MPZL1: variants seen among roughly 807,000 people sequenced by gnomAD.
MPZL1 encodes the protein myelin protein zero like 1.
A neutral mutation model predicts 29.3 loss-of-function variants in MPZL1; 16 were observed. The ratio of observed to expected loss-of-function variants is 0.55; its 90% CI spans 0.37 to 0.83. The LOEUF (loss-of-function observed/expected upper bound fraction) is 0.83, where lower values mean the gene tolerates loss of function less well. Among genes scored for constraint, MPZL1 ranks in the 40% least tolerant of loss-of-function variants. The pLI, the probability that MPZL1 is intolerant of heterozygous loss-of-function variation, is 0.00. For missense variants in MPZL1, 279 were observed against 332.9 expected (o/e 0.84, Z 1.26); for synonymous variants, 143 against 132.0 (o/e 1.08, Z -0.57).
intron 4 of MPZL1, chr1:167,774,444 GT>G (rs985167853): frequency 3.3e-5 from 5 of 152,538 alleles, no homozygotes; most frequent in Non-Finnish European, 7.3e-5. Flanking sequence ...GGAGTGCTGT[GT>G]TTTAACAAGT....
chr1:167,764,388 G>A (rs977814880), intron 1 of MPZL1, among the ~76,000 whole-genome samples: 3 of 152,034 alleles, frequency 2.0e-5, no homozygotes, highest in Non-Finnish European at 4.4e-5. Context: ...TATTTCCTGG[G>A]CTTAGGCTAA....
intron 1 of MPZL1, among the ~76,000 whole-genome samples, chr1:167,748,998 G>A (rs1302230810): frequency 6.6e-6 from 1 of 152,022 alleles, no homozygotes; most frequent in Non-Finnish European, 1.5e-5. Flanking sequence ...ATGACATTGT[G>A]GCTTGAAAGT....
chr1:167,729,790 C>A (rs1226192934), intron 1 of MPZL1, among the ~76,000 whole-genome samples: 1 of 152,190 alleles, frequency 6.6e-6, no homozygotes, highest in Non-Finnish European at 1.5e-5. Context: ...TGAGTGCTTA[C>A]TATGTGCCAC....
At chr1:167,735,864 T>G (rs1370831466) in intron 1 of MPZL1, among the ~76,000 whole-genome samples, 1 of 152,216 alleles carries the variant, frequency 6.6e-6, no homozygotes, top group Non-Finnish European at 1.5e-5. Flanking sequence ...CTAATGAATT[T>G]TAAAAGATAA....
chr1:167,790,547 C>T lies in MPZL1; in HGVS notation c.*2626C>T, dbSNP rs1221686789. On this transcript the variant is annotated 3_prime_UTR_variant, in exon 6 of 6. Coordinates refer to ENST00000359523, the MANE Select transcript of MPZL1 (RefSeq NM_003953.6). Reference sequence around the variant, plus strand: ...CTCCCCTTTTCCCTGTGCCTCAGCACTCCTTTCCTGGTTGCAGATAACGAA... The same window carrying T: ...CTCCCCTTTTCCCTGTGCCTCAGCATTCCTTTCCTGGTTGCAGATAACGAA... 2 of 152,258 alleles carry T rather than the reference C, an allele frequency of 1.3e-5. No homozygotes were observed. The highest frequency in any genetic ancestry group is 2.9e-5 in the Non-Finnish European group (2 of 68,084). The allele number at this position is 152,258 out of a possible 1,614,324, so 9.4% of individuals were successfully genotyped here.
intron 2 of MPZL1, 138 bp downstream of exon 2, chr1:167,765,887 T>C: frequency 2.7e-6 from 2 of 736,818 alleles, no homozygotes; most frequent in Non-Finnish European, 4.0e-6. Context: ...AAGGCCCTTC[T>C]TTTGCTTCAG....
rs1053634506 is a variant in MPZL1, at chr1:167,722,190, C to A, written c.39C>A (p.Ala13=). 52 of 1,238,376 alleles carry A rather than the reference C, an allele frequency of 4.2e-5. No homozygotes were observed. The highest frequency in any genetic ancestry group is 4.9e-5 in the Non-Finnish European group (48 of 988,030). The allele number at this position is 1,238,376 out of a possible 1,614,324, so 76.7% of individuals were successfully genotyped here. A position where few individuals can be genotyped will look rare whatever the true frequency, so the allele number is the denominator to read the frequency against. Residue 13 remains alanine, a synonymous_variant, in exon 1 of 6, where the codon GCC becomes GCA. Coordinates refer to ENST00000359523, the MANE Select transcript of MPZL1 (RefSeq NM_003953.6). The stretch of plus-strand genomic sequence containing the variant: ...CCGGAGCCGGGGCGGTGATTGCAGC[C>A]CCAGACAGCCGGCGCTGGCTGTGGT... ...ASAGAGAVIA[A]PDSRRWLWSV...
intron 1 of MPZL1, among the ~76,000 whole-genome samples, chr1:167,747,840 C>T (rs564291818): frequency 5.3e-5 from 8 of 151,944 alleles, no homozygotes; most frequent in Non-Finnish European, 1.2e-4. Context: ...GTGTTGCAGC[C>T]GTCATTACTT....
chr1:167,786,379 A>G (rs1181512435), intron 5 of MPZL1, among the ~76,000 whole-genome samples: 2 of 152,208 alleles, frequency 1.3e-5, no homozygotes, highest in African/African-American at 4.8e-5. Context: ...AGTTATAGGT[A>G]TCATCTTATT....
At chr1:167,763,100 C>A (rs1661021615) in intron 1 of MPZL1, among the ~76,000 whole-genome samples, 1 of 152,064 alleles carries the variant, frequency 6.6e-6, no homozygotes. Flanking sequence ...TTTGGTTAGT[C>A]TTTTTGCTCA....
At chr1:167,780,454 GC>G (rs1661474162) in intron 5 of MPZL1, among the ~76,000 whole-genome samples, 2 of 152,180 alleles carry the variant, frequency 1.3e-5, no homozygotes, top group African/African-American at 4.8e-5. Flanking sequence ...CATGTTCATA[GC>G]AGTATTATTC....
At chr1:167,735,223 G>T (rs987691868) in intron 1 of MPZL1, among the ~76,000 whole-genome samples, 1 of 152,138 alleles carries the variant, frequency 6.6e-6, no homozygotes, top group Non-Finnish European at 1.5e-5. Flanking sequence ...ATGTTTAAAG[G>T]TATAGTATAT....
Position 167,722,200 on chromosome 1 carries a change from C to G in MPZL1, c.49C>G (p.Arg17Gly). 2 of 1,238,738 alleles carry G rather than the reference C, an allele frequency of 1.6e-6. No homozygotes were observed. Among genetic ancestry groups the G allele is most frequent in the Non-Finnish European group, 2.0e-6 (2 of 987,784 alleles). 76.7% of individuals were successfully genotyped at this position (1,238,738 alleles called of 1,614,324 possible). ...AGAVIAAPDS[R>G]RWLWSVLAAA... is the part of the protein sequence containing the mutation. ...GGCGGTGATTGCAGCCCCAGACAGC[C>G]GGCGCTGGCTGTGGTCGGTGCTGGC... The change falls in exon 1 of 6, where the codon CGG (arginine) becomes GGG (glycine). Residue 17 changes from arginine to glycine, a missense_variant. Coordinates refer to ENST00000359523, the MANE Select transcript of MPZL1 (RefSeq NM_003953.6).
chr1:167,728,264 A>G (rs948899510), intron 1 of MPZL1, among the ~76,000 whole-genome samples: 1 of 149,462 alleles, frequency 6.7e-6, no homozygotes, highest in Non-Finnish European at 1.5e-5. Context: ...CTGGTCTCCA[A>G]CTCCTGACCT....
At chr1:167,764,407 A>G (rs745563231) in intron 1 of MPZL1, among the ~76,000 whole-genome samples, 1 of 152,180 alleles carries the variant, frequency 6.6e-6, no homozygotes, top group Non-Finnish European at 1.5e-5. Flanking sequence ...AACTGACAAA[A>G]CTTGATGGGT....
intron 1 of MPZL1, among the ~76,000 whole-genome samples, chr1:167,734,125 G>A (rs931810988): frequency 2.8e-4 from 42 of 151,764 alleles, no homozygotes; most frequent in African/African-American, 7.5e-4. Flanking sequence ...GCATGGTGGT[G>A]GGCACCTGTA....
intron 5 of MPZL1, 48 bp downstream of exon 5, chr1:167,776,214 G>A (rs772490146): frequency 2.9e-5 from 40 of 1,392,652 alleles, no homozygotes; most frequent in Non-Finnish European, 4.0e-5. Context: ...CCTACAGCTT[G>A]GTGCTCTGTC....
intron 5 of MPZL1, among the ~76,000 whole-genome samples, chr1:167,777,620 G>C (rs767936578): frequency 2.0e-5 from 3 of 152,236 alleles, no homozygotes; most frequent in Non-Finnish European, 4.4e-5. Context: ...GAGATTTGGA[G>C]CGGGGTCCCC....
intron 5 of MPZL1, among the ~76,000 whole-genome samples, chr1:167,781,291 A>G (rs1210523212): frequency 6.6e-6 from 1 of 152,184 alleles, no homozygotes; most frequent in Non-Finnish European, 1.5e-5. Context: ...CATCAAGCGC[A>G]GAATTCTTAC....
Sources: gnomAD v4.1 joint callset for allele counts (sites outside exome capture counted in the v4.1 genomes callset) on GRCh38, gnomAD v4.1.1 for gene constraint, MANE v1.5 for transcripts, NCBI Gene and HGNC (gene_info 2026-07-23, HGNC 2026-07-21) for gene names.